Variants in CNTN3 observed in about 807,000 individuals in gnomAD.
CNTN3 encodes contactin 3.
A neutral mutation model predicts 119.1 loss-of-function variants in CNTN3; 60 were observed. The ratio of observed to expected loss-of-function variants is 0.50; its 90% CI spans 0.41 to 0.62. The LOEUF is 0.62. Ranked by LOEUF, CNTN3 falls within the 20% of genes least tolerant of loss-of-function variation. The pLI, the probability that CNTN3 is intolerant of heterozygous loss-of-function variation, is 0.00. For synonymous variants in CNTN3, 450 were observed against 438.7 expected (o/e 1.03, Z -0.32); for missense variants, 1,101 against 1,242.4 (o/e 0.89, Z 1.71).
intron 5 of CNTN3, among the ~76,000 whole-genome samples, chr3:74,408,950 T>A (rs1477449603): frequency 6.6e-6 from 1 of 152,150 alleles, no homozygotes; most frequent in Admixed American, 6.6e-5. Flanking sequence ...TATTATATTA[T>A]TTTTTATTTC....
chr3:74,384,151 T>A (rs1166729197), intron 5 of CNTN3, among the ~76,000 whole-genome samples: 1 of 152,256 alleles, frequency 6.6e-6, no homozygotes. Flanking sequence ...TCTTTCTGTT[T>A]ATATTTTTCA....
intron 5 of CNTN3, among the ~76,000 whole-genome samples, chr3:74,416,120 T>G (rs896289572): frequency 2.0e-5 from 3 of 152,218 alleles, no homozygotes; most frequent in African/African-American, 7.2e-5. Context: ...AAACATTTTC[T>G]AGAACCATGT....
intron 1 of CNTN3, among the ~76,000 whole-genome samples, chr3:74,563,591 G>T (rs1398590385): frequency 6.6e-6 from 1 of 151,988 alleles, no homozygotes; most frequent in East Asian, 1.9e-4. Context: ...AACTCCAATT[G>T]CCAGAAACCT....
intron 13 of CNTN3, among the ~76,000 whole-genome samples, chr3:74,307,880 AC>A (rs899600030): frequency 4.6e-5 from 7 of 152,248 alleles, no homozygotes; most frequent in African/African-American, 1.7e-4. Context: ...AAAAAAAATT[AC>A]ATTTTGATGG....
intron 19 of CNTN3, among the ~76,000 whole-genome samples, chr3:74,291,268 T>C (rs1177840095): frequency 6.6e-6 from 1 of 152,194 alleles, no homozygotes; most frequent in Non-Finnish European, 1.5e-5. Context: ...CCATGGTGTA[T>C]ATGTGCCACA....
chr3:74,369,068 G>T, intron 8 of CNTN3, 121 bp downstream of exon 8: 1 of 642,514 alleles, frequency 1.6e-6, no homozygotes, highest in Non-Finnish European at 2.3e-6. Context: ...TTAACAAAAT[G>T]TTTAACCAAC....
intron 4 of CNTN3, among the ~76,000 whole-genome samples, chr3:74,448,686 A>C (rs1483127757): frequency 1.3e-5 from 2 of 152,186 alleles, no homozygotes; most frequent in Non-Finnish European, 2.9e-5. Flanking sequence ...CAGAGGCAGA[A>C]TAAATATTTG....
intron 20 of CNTN3, among the ~76,000 whole-genome samples, chr3:74,276,219 C>T (rs537795832): frequency 2.8e-4 from 42 of 152,196 alleles, no homozygotes; most frequent in African/African-American, 9.6e-4. Flanking sequence ...CATGACAGCA[C>T]TAGACAGTCA....
intron 2 of CNTN3, among the ~76,000 whole-genome samples, chr3:74,517,450 C>T (rs1306768652): frequency 2.0e-5 from 3 of 151,778 alleles, no homozygotes; most frequent in African/African-American, 7.3e-5. Flanking sequence ...CTGAACTGTC[C>T]GTTCAGTAAC....
intron 2 of CNTN3, among the ~76,000 whole-genome samples, chr3:74,518,461 A>G (rs979734690): frequency 6.6e-6 from 1 of 151,938 alleles, no homozygotes; most frequent in South Asian, 2.1e-4. Flanking sequence ...AAATCATATT[A>G]CACTGTGTAC....
chr3:74,450,436 T>C (rs984761491), intron 4 of CNTN3, among the ~76,000 whole-genome samples: 21 of 151,750 alleles, frequency 1.4e-4, no homozygotes, highest in African/African-American at 5.1e-4. Flanking sequence ...CAGTGCTATT[T>C]ACAAAAGAAA....
intron 1 of CNTN3, among the ~76,000 whole-genome samples, chr3:74,593,775 T>C (rs528256307): frequency 4.6e-4 from 70 of 152,088 alleles, no homozygotes; most frequent in African/African-American, 1.6e-3. Context: ...GCTGCTTTTA[T>C]TATTTTAGCA....
At chr3:74,280,917 C>A (rs1230189400) in intron 20 of CNTN3, among the ~76,000 whole-genome samples, 1 of 152,140 alleles carries the variant, frequency 6.6e-6, no homozygotes, top group Non-Finnish European at 1.5e-5. Flanking sequence ...GGTGGAGCTG[C>A]AGTCAGGTGG....
intron 13 of CNTN3, among the ~76,000 whole-genome samples, chr3:74,316,078 C>T (rs1401193403): frequency 6.6e-6 from 1 of 152,090 alleles, no homozygotes; most frequent in Non-Finnish European, 1.5e-5. Flanking sequence ...GGAGAAAATA[C>T]TTGCAAAGTA....
At chr3:74,520,944 A>G (rs1703532546) in intron 2 of CNTN3, 114 bp downstream of exon 2, 1 of 526,278 alleles carries the variant, frequency 1.9e-6, no homozygotes, top group South Asian at 3.8e-5. Flanking sequence ...GAGGAAAAAC[A>G]TTTGTTTTTC....
chr3:74,590,982 T>C (rs1704693134), intron 1 of CNTN3, among the ~76,000 whole-genome samples: 1 of 151,922 alleles, frequency 6.6e-6, no homozygotes, highest in Admixed American at 6.6e-5. Context: ...TGAAGAAAAA[T>C]GACTCAGATA....
intron 5 of CNTN3, among the ~76,000 whole-genome samples, chr3:74,389,717 G>T (rs1407428910): frequency 1.3e-5 from 2 of 152,090 alleles, no homozygotes; most frequent in East Asian, 3.9e-4. Flanking sequence ...GGGAAGCAGG[G>T]TCTGAACCCA....
At chr3:74,293,203 T>C (rs983372083) in intron 19 of CNTN3, among the ~76,000 whole-genome samples, 3 of 152,160 alleles carry the variant, frequency 2.0e-5, no homozygotes, top group African/African-American at 7.2e-5. Context: ...CTGTGGGAGC[T>C]CAATTTTAAC....
At chr3:74,447,547 A>G (rs1339021052) in intron 4 of CNTN3, among the ~76,000 whole-genome samples, 1 of 152,212 alleles carries the variant, frequency 6.6e-6, no homozygotes, top group Non-Finnish European at 1.5e-5. Flanking sequence ...ACGAAGGGAA[A>G]GAGCAATTGC....
Sources: allele counts gnomAD v4.1 joint callset (sites outside exome capture counted in the v4.1 genomes callset), GRCh38; gene constraint gnomAD v4.1.1; transcripts MANE v1.5; gene names NCBI Gene and HGNC (gene_info 2026-07-23, HGNC 2026-07-21).